Variants in HMCN1 observed in about 807,000 individuals in gnomAD.
HMCN1 encodes hemicentin 1.
HMCN1 carries 321 observed loss-of-function variants against 625.9 expected under a neutral mutation model. That is an observed-to-expected ratio of 0.51 (90% CI 0.47 to 0.56). The LOEUF (loss-of-function observed/expected upper bound fraction) is 0.56, where lower values mean the gene tolerates loss of function less well. Ranked by LOEUF, HMCN1 falls within the 20% of genes least tolerant of loss-of-function variation. HMCN1 has a pLI of 0.00. For synonymous variants in HMCN1, 2,425 were observed against 2,417.6 expected (o/e 1.00, Z -0.09); for missense variants, 6,588 against 6,887.3 (o/e 0.96, Z 1.54).
chr1:185,865,582 T>TACAC (rs56891910), intron 3 of HMCN1, among the ~76,000 whole-genome samples, 159 bp from the exon 4 acceptor site: 2,524 of 135,230 alleles, frequency 0.019, 42 homozygotes, highest in Middle Eastern at 0.046. Context: ...TATATAAGCA[T>TACAC]ACACACACAC....
At chr1:185,794,735 A>G (rs1190883237) in intron 1 of HMCN1, among the ~76,000 whole-genome samples, 2 of 151,730 alleles carry the variant, frequency 1.3e-5, no homozygotes, top group Non-Finnish European at 2.9e-5. Context: ...TCCTTTGGTA[A>G]CACCCTCACA....
intron 45 of HMCN1, among the ~76,000 whole-genome samples, chr1:186,057,031 T>TCTCACACACACA (rs1553284156): frequency 7.4e-5 from 11 of 147,932 alleles, no homozygotes; most frequent in African/African-American, 2.5e-4. Flanking sequence ...TCCAGGAATG[T>TCTCACACACACA]CACACACACA....
rs771385212 is a variant in HMCN1 at position 186,074,919 on chromosome 1, T to A, written c.8290+28T>A. ...AATACTAATTGCTTATTGTATATAA[T>A]GTAATTTATATGATCTTTCAAAGTA... On this transcript the variant is annotated intron_variant, in intron 53 of 106. Coordinates refer to ENST00000271588, the MANE Select transcript of HMCN1 (RefSeq NM_031935.3). The A allele has an allele frequency of 7.2e-6, 11 of 1,530,064 alleles. No homozygotes were observed. The African/African-American group carries it at 1.2e-4, about 17-fold the overall frequency. The allele number at this position is 1,530,064 out of a possible 1,614,324, so 94.8% of individuals were successfully genotyped here. A position where few individuals can be genotyped will look rare whatever the true frequency, so the allele number is the denominator to read the frequency against.
At chr1:185,758,034 A>G (rs1382591913) in intron 1 of HMCN1, among the ~76,000 whole-genome samples, 2 of 152,188 alleles carry the variant, frequency 1.3e-5, no homozygotes, top group Non-Finnish European at 2.9e-5. Context: ...CCCTTATTTA[A>G]AATACGGATA....
In HMCN1 at chr1:185,963,621, A is replaced by C. The variant is rs928126508; in HGVS notation, c.1971-147A>C. Reference sequence around the variant, plus strand: ...TATTATTATTGCATTTCTGCTTATAAAATAATGATGGTAACCATTTCTGCA... The same window carrying C: ...TATTATTATTGCATTTCTGCTTATACAATAATGATGGTAACCATTTCTGCA... On this transcript the variant is annotated intron_variant, in intron 12 of 106. Transcript: ENST00000271588. The C allele has an allele frequency of 6.0e-5, 38 of 629,878 alleles. No homozygotes were observed. In the Admixed American group the frequency reaches 9.6e-4, roughly 16 times the overall value. The allele number at this position is 629,878 out of a possible 1,614,324, so 39.0% of individuals were successfully genotyped here. A position where few individuals can be genotyped will look rare whatever the true frequency, so the allele number is the denominator to read the frequency against.
chr1:186,117,022 A>C lies in HMCN1; in HGVS notation c.11590A>C (p.Ile3864Leu). 1 of 1,613,280 alleles carries C rather than the reference A, an allele frequency of 6.2e-7. No homozygotes were observed. Among genetic ancestry groups the C allele is most frequent in the Non-Finnish European group, 8.5e-7 (1 of 1,179,400 alleles). ...CCTTTCTTCAGGTTCACTAGTAATTATTTCCCCTTCTGTGGATGACACTGC... is the reference window on the plus strand; with the variant it reads ...CCTTTCTTCAGGTTCACTAGTAATTCTTTCCCCTTCTGTGGATGACACTGC... ...RLLSSGSLVIISPSVDDTATY... is the reference protein window; with the variant it reads ...RLLSSGSLVILSPSVDDTATY... Residue 3864 changes from isoleucine (I) to leucine (L), a missense_variant, in exon 76 of 107, where the codon ATT becomes CTT. Ile to Leu is a conservative substitution (Grantham distance 5). Transcript: ENST00000271588.
chr1:186,185,228 A>G (rs1391880447), intron 105 of HMCN1, among the ~76,000 whole-genome samples: 1 of 152,176 alleles, frequency 6.6e-6, no homozygotes, highest in Non-Finnish European at 1.5e-5. Context: ...ACTATCATGG[A>G]CCCCTGCAGC....
At chr1:185,808,410 T>C (rs1659309428) in intron 1 of HMCN1, among the ~76,000 whole-genome samples, 1 of 152,048 alleles carries the variant, frequency 6.6e-6, no homozygotes, top group South Asian at 2.1e-4. Flanking sequence ...TCCTAACTAT[T>C]CCAGAGGCTG....
intron 36 of HMCN1, among the ~76,000 whole-genome samples, chr1:186,030,102 G>A (rs990506737): frequency 2.6e-5 from 4 of 152,022 alleles, no homozygotes; most frequent in African/African-American, 9.7e-5. Flanking sequence ...CCTTTTAAAT[G>A]TATCAAGAGT....
Position 186,106,962 on chromosome 1 carries a change from C to T in HMCN1, c.10849C>T (p.His3617Tyr). Residue 3617 changes from histidine to tyrosine, a missense_variant, in exon 70 of 107, where the codon CAT becomes TAT. Physicochemically the swap from His to Tyr is moderately conservative, Grantham distance 83 (BLOSUM62 2). Coordinates refer to ENST00000271588, the MANE Select transcript of HMCN1 (RefSeq NM_031935.3). Reference sequence around the variant, plus strand: ...TGATAAGGAATATCTAGTGAGAGTGCATGGTAAATTTGACAAAATATCCTA... The same window carrying T: ...TGATAAGGAATATCTAGTGAGAGTGTATGGTAAATTTGACAAAATATCCTA... ...DDDKEYLVRVHVPPNIAGTDE... is the reference protein window; with the variant it reads ...DDDKEYLVRVYVPPNIAGTDE... The T allele has an allele frequency of 6.2e-7, 1 of 1,601,398 alleles. No homozygotes were observed. The highest frequency in any genetic ancestry group is 1.7e-4 in the Middle Eastern group (1 of 6,038).
In HMCN1 at chr1:186,117,651, C is replaced by T. The variant is rs113454083; in HGVS notation, c.11848+28C>T. 434 of 1,599,112 alleles carry T rather than the reference C, an allele frequency of 2.7e-4. No individual in the cohort carries two copies. The African/African-American group carries it at 5.0e-3, about 19-fold the overall frequency. On this transcript the variant is annotated intron_variant, in intron 77 of 106. Transcript: ENST00000271588. ...AAGACCAAGCTCAGTGATTTCACATCTATTGATTGTATTATTTATTGATGC... is the reference window on the plus strand; with the variant it reads ...AAGACCAAGCTCAGTGATTTCACATTTATTGATTGTATTATTTATTGATGC...
At chr1:185,977,737 T>G in intron 15 of HMCN1, 50 bp from the exon 16 acceptor site, 1 of 1,078,254 alleles carries the variant, frequency 9.3e-7, no homozygotes, top group Non-Finnish European at 1.4e-6. Flanking sequence ...ATGTTTAATA[T>G]GCCTGTATAA....
At chr1:186,068,261 T>A (rs1341570871) in intron 50 of HMCN1, among the ~76,000 whole-genome samples, 1 of 152,100 alleles carries the variant, frequency 6.6e-6, no homozygotes, top group Non-Finnish European at 1.5e-5. Flanking sequence ...AATAAATAAA[T>A]GCCACAATGT....
chr1:186,042,663 A>G (rs960484426), intron 40 of HMCN1, among the ~76,000 whole-genome samples: 2 of 152,188 alleles, frequency 1.3e-5, no homozygotes, highest in Non-Finnish European at 2.9e-5. Flanking sequence ...GAATGTTTAT[A>G]TATGTTTAAC....
chr1:186,045,683 TG>T lies in HMCN1; in HGVS notation c.6305-4del, dbSNP rs1279052209. The T allele has an allele frequency of 6.2e-7, 1 of 1,612,282 alleles. No homozygotes were observed. Among genetic ancestry groups the T allele is most frequent in the Admixed American group, 1.7e-5 (1 of 59,986 alleles). On this transcript the variant is annotated splice_region_variant and splice_polypyrimidine_tract_variant and intron_variant, in intron 40 of 106. Coordinates refer to ENST00000271588, the MANE Select transcript of HMCN1 (RefSeq NM_031935.3). ...ATCCTGAAAGAAAACCCATCTTTCA[TG>T]TAGTTCCGCCAAATATTATGGGAGA...
Position 186,126,837 on chromosome 1 carries a change from G to C in HMCN1, c.12690+1043G>C, listed in dbSNP as rs529537046. Among the ~76,000 whole-genome samples, 13 of 152,196 alleles carry C rather than the reference G, an allele frequency of 8.5e-5. No individual in the cohort carries two copies. The East Asian group carries it at 1.7e-3, about 20-fold the overall frequency. On this transcript the variant is annotated intron_variant, in intron 82 of 106. Coordinates refer to ENST00000271588, the MANE Select transcript of HMCN1 (RefSeq NM_031935.3). The stretch of plus-strand genomic sequence containing the variant: ...AGAATCCATTGCAGGTTTTTGAGCA[G>C]GTGAGCAATCTTATATGCCTTAAAT...
At chr1:185,942,123 G>A (rs960841596) in intron 11 of HMCN1, among the ~76,000 whole-genome samples, 7 of 150,856 alleles carry the variant, frequency 4.6e-5, no homozygotes, top group South Asian at 2.1e-4. Flanking sequence ...CCCGGGAGGC[G>A]GAGGTTGTAG....
chr1:186,035,711 A>G (rs74804158), intron 36 of HMCN1, among the ~76,000 whole-genome samples: 1 of 151,782 alleles, frequency 6.6e-6, no homozygotes, highest in Non-Finnish European at 1.5e-5. Context: ...TTCATTGTTG[A>G]TTTATATTTT....
rs751925808 is a variant in HMCN1, at chr1:186,070,593, T to A, written c.7994-19T>A. On this transcript the variant is annotated intron_variant, in intron 51 of 106. Transcript: ENST00000271588. ...TGAAAATAACCAATGTCTAACTCTT[T>A]AATATTTATTTTATGCAGTTCCACC... is the stretch of plus-strand genomic sequence containing the variant. The A allele has an allele frequency of 6.9e-6, 11 of 1,602,050 alleles. No homozygotes were observed. In the Middle Eastern group the frequency reaches 5.0e-4, roughly 72 times the overall value.
Sources: gnomAD v4.1 joint callset for allele counts (sites outside exome capture counted in the v4.1 genomes callset) on GRCh38, gnomAD v4.1.1 for gene constraint, MANE v1.5 for transcripts, NCBI Gene and HGNC (gene_info 2026-07-23, HGNC 2026-07-21) for gene names.